WDFY3: variants seen among roughly 807,000 people sequenced by gnomAD.
WDFY3 encodes WD repeat and FYVE domain-containing protein 3.
Under a neutral mutation model 409.6 loss-of-function variants are expected in WDFY3, and 66 were observed. The ratio of observed to expected loss-of-function variants is 0.16; its 90% CI spans 0.13 to 0.20. WDFY3 has a LOEUF of 0.20. Ranked by LOEUF, WDFY3 falls within the 10% of genes least tolerant of loss-of-function variation. The pLI is 1.00. For synonymous variants in WDFY3, 1,521 were observed against 1,537.1 expected, an observed-to-expected ratio of 0.99 and a Z score of 0.25; for missense variants, 3,031 against 4,298.1, an observed-to-expected ratio of 0.71 and a Z score of 8.24.
intron 45 of WDFY3, among the ~76,000 whole-genome samples, chr4:84,726,653 A>G (rs1404217906): frequency 1.3e-5 from 2 of 152,084 alleles, no homozygotes; most frequent in Non-Finnish European, 2.9e-5. Flanking sequence ...CTAAAAAGAG[A>G]TAATTAGAAA....
intron 15 of WDFY3, among the ~76,000 whole-genome samples, chr4:84,807,746 TAGAG>T (rs1751750829): frequency 6.6e-6 from 1 of 152,142 alleles, no homozygotes. Context: ...TAGATCAGCT[TAGAG>T]ATTTACAGAG....
intron 2 of WDFY3, among the ~76,000 whole-genome samples, chr4:84,927,487 T>A (rs1419797866): frequency 6.6e-6 from 1 of 152,146 alleles, no homozygotes; most frequent in Admixed American, 6.5e-5. Flanking sequence ...ATTTGGAGTA[T>A]CAACATGACT....
At position 84,948,492 on chromosome 4, in the gene WDFY3, A is replaced by G. The variant is rs117332746; in HGVS notation, c.-225-16129T>C. ...AAGCCCAGCCTGTCTCTGCTCTCCA[A>G]GTGCCTGGCTTCGCCTGTCACTTAA... On this transcript the variant is annotated intron_variant, in intron 1 of 67. Coordinates refer to ENST00000295888, the MANE Select transcript of WDFY3 (RefSeq NM_014991.6). Among the ~76,000 whole-genome samples, 16 of 152,342 alleles carry G rather than the reference A, an allele frequency of 1.1e-4. No individual in the cohort carries two copies. In the East Asian group the frequency reaches 3.1e-3, roughly 29 times the overall value.
chr4:84,750,812 T>C (rs993223306), intron 36 of WDFY3, among the ~76,000 whole-genome samples: 2 of 152,224 alleles, frequency 1.3e-5, no homozygotes, highest in Non-Finnish European at 2.9e-5. Flanking sequence ...AGTTGATTCA[T>C]ATCAATTGTC....
At chr4:84,890,508 C>A (rs545373334) in intron 3 of WDFY3, among the ~76,000 whole-genome samples, 1 of 152,292 alleles carries the variant, frequency 6.6e-6, no homozygotes, top group East Asian at 1.9e-4. Flanking sequence ...CAGTAATTAT[C>A]CTGCTGGCTG....
At chr4:84,720,028 T>C (rs1734584739) in intron 47 of WDFY3, among the ~76,000 whole-genome samples, 1 of 152,224 alleles carries the variant, frequency 6.6e-6, no homozygotes, top group Non-Finnish European at 1.5e-5. Flanking sequence ...AAAAAGGTGA[T>C]ATTCATGACA....
chr4:84,683,849 C>G, intron 63 of WDFY3, 94 bp downstream of exon 63: 1 of 1,337,638 alleles, frequency 7.5e-7, no homozygotes, highest in Non-Finnish European at 1.0e-6. Flanking sequence ...AACATTACAA[C>G]TTGTTCAGGT....
chr4:84,929,231 A>C (rs368026234), intron 2 of WDFY3, among the ~76,000 whole-genome samples: 7 of 152,116 alleles, frequency 4.6e-5, no homozygotes, highest in African/African-American at 1.2e-4. Context: ...CAATCAGTGA[A>C]GAACTAAATG....
chr4:84,765,577 A>G (rs918554516), intron 32 of WDFY3, among the ~76,000 whole-genome samples: 5 of 152,148 alleles, frequency 3.3e-5, no homozygotes, highest in Non-Finnish European at 7.4e-5. Flanking sequence ...CTACAAAAAG[A>G]TCTTGAGGAA....
At chr4:84,878,070 C>T (rs1028480479) in intron 3 of WDFY3, among the ~76,000 whole-genome samples, 1 of 151,904 alleles carries the variant, frequency 6.6e-6, no homozygotes, top group East Asian at 1.9e-4. Context: ...TTGTTGGGTA[C>T]CCCATAATGT....
chr4:84,888,045 C>T (rs1387999236), intron 3 of WDFY3, among the ~76,000 whole-genome samples: 1 of 152,172 alleles, frequency 6.6e-6, no homozygotes, highest in Non-Finnish European at 1.5e-5. Context: ...GAATTCTTAG[C>T]ATCTCTAGAT....
chr4:84,750,804 T>A (rs907347713), intron 36 of WDFY3, among the ~76,000 whole-genome samples: 4 of 152,156 alleles, frequency 2.6e-5, no homozygotes, highest in African/African-American at 7.2e-5. Context: ...GATGCATCAG[T>A]TGATTCATAT....
At chr4:84,778,121 G>C (rs1745868644) in intron 27 of WDFY3, among the ~76,000 whole-genome samples, 1 of 152,096 alleles carries the variant, frequency 6.6e-6, no homozygotes, top group African/African-American at 2.4e-5. Flanking sequence ...TATGAAATGT[G>C]AACATAAAAT....
intron 26 of WDFY3, among the ~76,000 whole-genome samples, chr4:84,779,729 T>C (rs1236490705): frequency 6.6e-6 from 1 of 152,180 alleles, no homozygotes; most frequent in African/African-American, 2.4e-5. Flanking sequence ...GAATCTACCA[T>C]GGATTTGGCA....
intron 38 of WDFY3, among the ~76,000 whole-genome samples, chr4:84,740,630 A>T (rs1290263839): frequency 1.6e-4 from 24 of 151,114 alleles, no homozygotes. Context: ...AGGGCTACAT[A>T]AAAAAAAAGA....
intron 2 of WDFY3, among the ~76,000 whole-genome samples, chr4:84,916,110 G>C (rs556387391): frequency 1.3e-5 from 2 of 151,994 alleles, no homozygotes; most frequent in Non-Finnish European, 2.9e-5. Context: ...CTTTTTTGTG[G>C]ACAAGCTGTA....
chr4:84,838,141 T>G (rs1448632875), intron 6 of WDFY3, among the ~76,000 whole-genome samples: 1 of 152,068 alleles, frequency 6.6e-6, no homozygotes, highest in East Asian at 1.9e-4. Flanking sequence ...AAACACAGAT[T>G]CCAAAAATGC....
At chr4:84,850,486 T>G (rs1758756443) in intron 4 of WDFY3, among the ~76,000 whole-genome samples, 1 of 152,048 alleles carries the variant, frequency 6.6e-6, no homozygotes, top group South Asian at 2.1e-4. Flanking sequence ...CTGGCTAATT[T>G]TTGTATTTTT....
intron 3 of WDFY3, among the ~76,000 whole-genome samples, chr4:84,862,965 T>A (rs530334780): frequency 5.3e-5 from 8 of 152,366 alleles, no homozygotes; most frequent in Admixed American, 4.6e-4. Flanking sequence ...AGTATTTGTC[T>A]TTGCATGACT....
Sources: gnomAD v4.1 joint callset for allele counts (sites outside exome capture counted in the v4.1 genomes callset) on GRCh38, gnomAD v4.1.1 for gene constraint, MANE v1.5 for transcripts, NCBI Gene and HGNC (gene_info 2026-07-23, HGNC 2026-07-21) for gene names.